Variants in FANCA observed in about 807,000 individuals in gnomAD.
The protein encoded by FANCA is Fanconi anemia group A protein.
FANCA carries 236 observed loss-of-function variants against 194.3 expected under a neutral mutation model. The observed-to-expected ratio is 1.21, with a 90% CI of 1.09 to 1.35. The LOEUF (loss-of-function observed/expected upper bound fraction) is 1.35. Ranked by LOEUF, FANCA falls within the 40% of genes most tolerant of loss-of-function variation. The probability of loss-of-function intolerance (pLI) is 0.00; values close to 1 mark genes in which losing one functional copy is unlikely to be tolerated. For synonymous variants in FANCA, 1,014 were observed against 715.8 expected, an observed-to-expected ratio of 1.42 and a Z score of -6.65; for missense variants, 2,628 against 1,813.9, an observed-to-expected ratio of 1.45 and a Z score of -8.15.
At chr16:89,808,158 T>A (rs575747585) in intron 6 of FANCA, 136 bp downstream of exon 6, 2 of 791,152 alleles carry the variant, frequency 2.5e-6, no homozygotes. Context: ...AGTATAAATA[T>A]GCAATGCAAT....
At chr16:89,789,236 G>C (rs2039990279) in intron 14 of FANCA, among the ~76,000 whole-genome samples, 1 of 151,616 alleles carries the variant, frequency 6.6e-6, no homozygotes, top group Non-Finnish European at 1.5e-5. Flanking sequence ...CACTGCACCA[G>C]TCACCACCTT....
At chr16:89,780,100 A>C in intron 17 of FANCA, 143 bp from the exon 18 acceptor site, 2 of 762,282 alleles carry the variant, frequency 2.6e-6, no homozygotes, top group Non-Finnish European at 4.5e-6. Context: ...CTGTGCGCAC[A>C]GCAGGGGCCC....
intron 7 of FANCA, 34 bp from the exon 8 acceptor site, chr16:89,803,375 C>A: frequency 3.8e-6 from 6 of 1,577,386 alleles, no homozygotes; most frequent in Non-Finnish European, 5.2e-6. Context: ...TATTTATGGA[C>A]ATCATGGTCT....
At chr16:89,772,298 G>C (rs1462849283) in intron 22 of FANCA, among the ~76,000 whole-genome samples, 1 of 152,224 alleles carries the variant, frequency 6.6e-6, no homozygotes, top group African/African-American at 2.4e-5. Flanking sequence ...TGTCCCCCAT[G>C]TACCACATTC....
At chr16:89,751,928 G>A (rs1469052751) in intron 31 of FANCA, among the ~76,000 whole-genome samples, 5 of 152,046 alleles carry the variant, frequency 3.3e-5, no homozygotes, top group Middle Eastern at 3.4e-3. Flanking sequence ...CCGCCACCAC[G>A]CCCGGCTAAA....
At position 89,778,661 on chromosome 16, in the gene FANCA, A is replaced by C. The variant is rs575831449; in HGVS notation, c.1826+140T>G. 34 of 647,276 alleles carry C rather than the reference A, an allele frequency of 5.3e-5. No homozygotes were observed. The African/African-American group carries it at 5.9e-4, about 11-fold the overall frequency. 40.1% of individuals were successfully genotyped at this position (647,276 alleles called of 1,614,324 possible). A position where few individuals can be genotyped will look rare whatever the true frequency, so the allele number is the denominator to read the frequency against. On this transcript the variant is annotated intron_variant, in intron 20 of 42. Transcript: ENST00000389301. ...AAAAAAAAAAAAAAAAAAAAAAGTA[A>C]CCAACCAATTTTGGAGCCAATATTT...
intron 8 of FANCA, among the ~76,000 whole-genome samples, chr16:89,801,201 G>A (rs922398406): frequency 1.3e-5 from 2 of 151,106 alleles, no homozygotes; most frequent in Admixed American, 6.6e-5. Context: ...AAAACTAGCC[G>A]GGAGTGGTGG....
chr16:89,809,857 A>C (rs1314166509), intron 5 of FANCA, among the ~76,000 whole-genome samples: 1 of 151,438 alleles, frequency 6.6e-6, no homozygotes, highest in Non-Finnish European at 1.5e-5. Context: ...CCATCTCAAA[A>C]AAAAAAAAAG....
intron 30 of FANCA, among the ~76,000 whole-genome samples, chr16:89,754,767 G>A (rs922934999): frequency 6.6e-6 from 1 of 152,172 alleles, no homozygotes; most frequent in South Asian, 2.1e-4. Context: ...AGAATCACTG[G>A]TGTTTCTATA....
Position 89,752,178 on chromosome 16 carries a change from C to A in FANCA, c.3026G>T (p.Gly1009Val), listed in dbSNP as rs202073350. 3 of 1,614,166 alleles carry A rather than the reference C, an allele frequency of 1.9e-6. No individual in the cohort carries two copies. Among genetic ancestry groups the A allele is most frequent in the East Asian group, 2.2e-5 (1 of 44,888 alleles). ...DHSENSDLVF[G>V]GRTGNEDIIS... Reference sequence around the variant, plus strand: ...AATATCCTCATTTCCTGTGCGGCCACCAAAGACCAAATCAGAATTTTCTGA... The same window carrying A: ...AATATCCTCATTTCCTGTGCGGCCAACAAAGACCAAATCAGAATTTTCTGA... Residue 1009 changes from glycine (G) to valine (V), a missense_variant, in exon 31 of 43, where the codon GGT (glycine) becomes GTT (valine). Gly to Val is a moderately radical substitution (Grantham distance 109, BLOSUM62 -3). Coordinates refer to ENST00000389301, the MANE Select transcript of FANCA (RefSeq NM_000135.4).
At chr16:89,777,090 G>C (rs901795613) in intron 20 of FANCA, among the ~76,000 whole-genome samples, 1 of 152,030 alleles carries the variant, frequency 6.6e-6, no homozygotes, top group African/African-American at 2.4e-5. Flanking sequence ...CGCGCCTCTA[G>C]ACCCAGCTAC....
intron 30 of FANCA, among the ~76,000 whole-genome samples, chr16:89,758,018 G>A (rs566439848): frequency 6.6e-6 from 1 of 152,144 alleles, no homozygotes; most frequent in Non-Finnish European, 1.5e-5. Flanking sequence ...ACCACACTCA[G>A]CTAATTTTTG....
chr16:89,802,727 A>T (rs1348745605), intron 8 of FANCA, among the ~76,000 whole-genome samples: 2 of 152,230 alleles, frequency 1.3e-5, no homozygotes, highest in East Asian at 3.9e-4. Flanking sequence ...TTTAAAGTGA[A>T]ATCCTGTCAT....
At chr16:89,756,349 G>A (rs11646229) in intron 30 of FANCA, among the ~76,000 whole-genome samples, 20,958 of 152,246 alleles carry the variant, frequency 0.14, 1,810 homozygotes, top group Middle Eastern at 0.29. Flanking sequence ...CATCAAGTCA[G>A]GCCTGGCAGA....
At chr16:89,762,973 C>T (rs1196535384) in intron 28 of FANCA, among the ~76,000 whole-genome samples, 4 of 145,320 alleles carry the variant, frequency 2.8e-5, no homozygotes, top group East Asian at 4.0e-4. Context: ...AAGGGTTGGG[C>T]GTGGTGGCTC....
intron 28 of FANCA, among the ~76,000 whole-genome samples, chr16:89,763,006 G>C (rs1010686841): frequency 6.6e-6 from 1 of 151,646 alleles, no homozygotes; most frequent in African/African-American, 2.4e-5. Flanking sequence ...CCAGCACTTT[G>C]GGAGGCCGAG....
chr16:89,752,932 C>T (rs577055295), intron 30 of FANCA, among the ~76,000 whole-genome samples: 60 of 152,274 alleles, frequency 3.9e-4, no homozygotes, highest in Non-Finnish European at 5.4e-4. Flanking sequence ...TCCTCCACCT[C>T]TTGTGGAGGG....
At chr16:89,775,664 T>G in intron 21 of FANCA, 78 bp downstream of exon 21, 4 of 1,209,490 alleles carry the variant, frequency 3.3e-6, no homozygotes, top group Non-Finnish European at 4.8e-6. Context: ...ACTCGGGTGG[T>G]GTAGCACAAC....
intron 3 of FANCA, among the ~76,000 whole-genome samples, chr16:89,812,289 G>A (rs192599344): frequency 6.7e-6 from 1 of 150,358 alleles, no homozygotes; most frequent in African/African-American, 2.4e-5. Context: ...AGTGAGCCGA[G>A]ATCACGCCAC....
Sources: gnomAD v4.1 joint callset for allele counts (sites outside exome capture counted in the v4.1 genomes callset) on GRCh38, gnomAD v4.1.1 for gene constraint, MANE v1.5 for transcripts, NCBI Gene and HGNC (gene_info 2026-07-23, HGNC 2026-07-21) for gene names.